RANBP2: variants seen among roughly 807,000 people sequenced by gnomAD.
RANBP2 encodes E3 SUMO-protein ligase RanBP2.
RANBP2 carries 57 observed loss-of-function variants against 303.6 expected under a neutral mutation model. The ratio of observed to expected loss-of-function variants is 0.19; its 90% confidence interval spans 0.15 to 0.23. RANBP2 has a LOEUF of 0.23. Ranked by LOEUF, RANBP2 falls within the 10% of genes least tolerant of loss-of-function variation. The probability of loss-of-function intolerance (pLI) is 1.00; values close to 1 mark genes in which losing one functional copy is unlikely to be tolerated. For synonymous variants in RANBP2, 1,167 were observed against 1,301.5 expected (o/e 0.90, Z 2.23); for missense variants, 3,138 against 3,780.8 (o/e 0.83, Z 4.46).
chr2:108,782,891 T>C (rs902007179), intron 28 of RANBP2, 29 bp downstream of exon 28: 2 of 1,571,410 alleles, frequency 1.3e-6, no homozygotes, highest in African/African-American at 2.7e-5. Flanking sequence ...ATACCACAAT[T>C]GAGGTCTTGA....
the RANBP2 span, among the ~76,000 whole-genome samples, chr2:109,224,060 A>T: frequency 6.6e-6 from 1 of 152,250 alleles, no homozygotes; most frequent in Admixed American, 6.5e-5. Context: ...TAGAATGTTA[A>T]GAGCTGGAAT....
chr2:109,168,487 G>A, the RANBP2 span, among the ~76,000 whole-genome samples: 2 of 152,216 alleles, frequency 1.3e-5, 1 homozygote, highest in African/African-American at 4.8e-5. Flanking sequence ...CTCTCAGCAG[G>A]AGGGAGAGGG....
the RANBP2 span, among the ~76,000 whole-genome samples, chr2:108,838,553 C>T: frequency 2.0e-5 from 3 of 151,976 alleles, no homozygotes; most frequent in Non-Finnish European, 2.9e-5. Flanking sequence ...TCTGTTAGAG[C>T]CTTAGAATAT....
At chr2:109,398,935 C>G in the RANBP2 span, 2 of 1,611,150 alleles carry the variant, frequency 1.2e-6, no homozygotes, top group South Asian at 2.2e-5. Flanking sequence ...GTGCGCTGCT[C>G]CCACCCAGGT....
chr2:109,018,108 C>T, the RANBP2 span, among the ~76,000 whole-genome samples: 2 of 152,150 alleles, frequency 1.3e-5, no homozygotes, highest in Non-Finnish European at 2.9e-5. Context: ...CAGACCATTA[C>T]CTCAGAATTA....
chr2:109,699,056 G>T, the RANBP2 span, among the ~76,000 whole-genome samples: 2 of 152,214 alleles, frequency 1.3e-5, no homozygotes, highest in African/African-American at 4.8e-5. Flanking sequence ...TTTAACCCCA[G>T]TTGTAAGGTG....
the RANBP2 span, among the ~76,000 whole-genome samples, chr2:109,300,738 C>T: frequency 9.2e-5 from 14 of 152,234 alleles, no homozygotes; most frequent in Non-Finnish European, 1.8e-4. Flanking sequence ...CTTCAGAGCC[C>T]ACCAGCTGGA....
chr2:109,614,910 G>T, the RANBP2 span: 1 of 1,451,564 alleles, frequency 6.9e-7, no homozygotes, highest in Non-Finnish European at 9.0e-7. Context: ...AGAGCCCCCC[G>T]CCCCCGCGCA....
At chr2:109,224,273 A>G in the RANBP2 span, among the ~76,000 whole-genome samples, 2 of 152,250 alleles carry the variant, frequency 1.3e-5, no homozygotes, top group Non-Finnish European at 2.9e-5. Context: ...GCATAGTAAA[A>G]TAAGACTTGT....
chr2:109,384,000 A>C, the RANBP2 span, among the ~76,000 whole-genome samples: 52 of 152,266 alleles, frequency 3.4e-4, no homozygotes, highest in Middle Eastern at 3.4e-3. Context: ...GGCCCCTCAC[A>C]AATGAAGGCA....
the RANBP2 span, among the ~76,000 whole-genome samples, chr2:108,971,805 G>A: frequency 6.6e-6 from 1 of 152,196 alleles, no homozygotes; most frequent in Non-Finnish European, 1.5e-5. Context: ...TCCTCTCCCT[G>A]TGTGAACGGG....
the RANBP2 span, among the ~76,000 whole-genome samples, chr2:109,256,148 G>T: frequency 3.3e-5 from 5 of 152,224 alleles, no homozygotes; most frequent in Non-Finnish European, 5.9e-5. Context: ...TGGCCGCTGT[G>T]ACCCAGCACC....
At chr2:109,636,027 A>C in the RANBP2 span, among the ~76,000 whole-genome samples, 1 of 152,200 alleles carries the variant, frequency 6.6e-6, no homozygotes, top group Admixed American at 6.5e-5. Flanking sequence ...GTGCCCCTAC[A>C]GAAGAGGCCC....
chr2:109,217,843 G>T, the RANBP2 span, among the ~76,000 whole-genome samples: 2 of 152,150 alleles, frequency 1.3e-5, no homozygotes, highest in Non-Finnish European at 1.5e-5. Context: ...CCCCAGGCAG[G>T]GGAGCCCCCA....
At chr2:108,984,561 C>T in the RANBP2 span, among the ~76,000 whole-genome samples, 1 of 152,166 alleles carries the variant, frequency 6.6e-6, no homozygotes, top group Non-Finnish European at 1.5e-5. Flanking sequence ...ACCCCAGGGC[C>T]TCCTTTCTTG....
At chr2:109,317,280 C>T in the RANBP2 span, among the ~76,000 whole-genome samples, 2 of 152,164 alleles carry the variant, frequency 1.3e-5, no homozygotes, top group African/African-American at 2.4e-5. Context: ...AGCGTCAAGT[C>T]TTGCCCATGG....
At chr2:109,169,768 A>G in the RANBP2 span, among the ~76,000 whole-genome samples, 1 of 152,026 alleles carries the variant, frequency 6.6e-6, no homozygotes, top group Non-Finnish European at 1.5e-5. Context: ...ACACACACAC[A>G]CACATGACCC....
chr2:109,625,357 A>G, the RANBP2 span, among the ~76,000 whole-genome samples: 4 of 152,116 alleles, frequency 2.6e-5, no homozygotes, highest in Non-Finnish European at 5.9e-5. Flanking sequence ...TAAAGCAGTT[A>G]AAAATAAATG....
At chr2:109,197,990 TCA>T in the RANBP2 span, among the ~76,000 whole-genome samples, 3 of 152,228 alleles carry the variant, frequency 2.0e-5, no homozygotes, top group Non-Finnish European at 4.4e-5. Flanking sequence ...TTGAGGTTTT[TCA>T]CAGAGTTGAC....
Sources: allele counts gnomAD v4.1 joint callset (sites outside exome capture counted in the v4.1 genomes callset), GRCh38; gene constraint gnomAD v4.1.1; transcripts MANE v1.5; gene names NCBI Gene and HGNC (gene_info 2026-07-23, HGNC 2026-07-21).